Variants in ASCC3 observed in about 807,000 individuals in gnomAD.
ASCC3 encodes the protein activating signal cointegrator 1 complex subunit 3.
In ASCC3, 158 loss-of-function variants were observed where a neutral mutation model predicts 256.3. The observed-to-expected ratio is 0.62, with a 90% CI of 0.54 to 0.70. ASCC3 has a LOEUF of 0.70. ASCC3 is among the 30% of genes least tolerant of loss of function. The pLI is 0.00. For missense variants in ASCC3, 2,259 were observed against 2,626.0 expected, an observed-to-expected ratio of 0.86 and a Z score of 3.05; for synonymous variants, 948 against 883.4, an observed-to-expected ratio of 1.07 and a Z score of -1.30.
intron 39 of ASCC3, among the ~76,000 whole-genome samples, 161 bp downstream of exon 39, chr6:100,516,019 G>C (rs904413464): frequency 1.3e-5 from 2 of 152,102 alleles, no homozygotes; most frequent in African/African-American, 2.4e-5. Context: ...AGAACTTCTT[G>C]AGACATCTAT....
At chr6:100,577,725 C>G (rs1380585905) in intron 36 of ASCC3, among the ~76,000 whole-genome samples, 1 of 151,434 alleles carries the variant, frequency 6.6e-6, no homozygotes, top group Non-Finnish European at 1.5e-5. Context: ...TGTGTGAACA[C>G]ACACACACCC....
intron 4 of ASCC3, among the ~76,000 whole-genome samples, chr6:100,842,591 CTTT>C (rs550013480): frequency 1.3e-5 from 2 of 152,012 alleles, no homozygotes; most frequent in African/African-American, 4.8e-5. Context: ...ACTCTTCATA[CTTT>C]TTTTCTGATT....
intron 37 of ASCC3, among the ~76,000 whole-genome samples, chr6:100,526,202 G>A (rs1409266351): frequency 2.0e-5 from 3 of 152,136 alleles, no homozygotes; most frequent in Non-Finnish European, 4.4e-5. Context: ...GAGTAAAAGC[G>A]CTTCAAGTGT....
chr6:100,853,073 G>A (rs1772763169), intron 3 of ASCC3, among the ~76,000 whole-genome samples: 1 of 151,602 alleles, frequency 6.6e-6, no homozygotes, highest in African/African-American at 2.4e-5. Context: ...CAACTTGGCT[G>A]GCTGACTGGT....
intron 30 of ASCC3, among the ~76,000 whole-genome samples, chr6:100,612,523 A>C (rs1448644549): frequency 1.8e-4 from 28 of 152,114 alleles, no homozygotes; most frequent in Admixed American, 1.8e-3. Flanking sequence ...TGAAATGCTC[A>C]ATAAAAGATG....
intron 8 of ASCC3, among the ~76,000 whole-genome samples, chr6:100,772,216 C>T (rs1242881055): frequency 6.6e-6 from 1 of 152,130 alleles, no homozygotes; most frequent in African/African-American, 2.4e-5. Flanking sequence ...AACAAACATA[C>T]ACCTAAACTA....
chr6:100,570,007 T>G (rs1408439917), intron 36 of ASCC3, among the ~76,000 whole-genome samples: 1 of 152,182 alleles, frequency 6.6e-6, no homozygotes, highest in African/African-American at 2.4e-5. Flanking sequence ...CCCCCTTGGT[T>G]AGATGTATTC....
chr6:100,568,695 T>C (rs1265991168), intron 36 of ASCC3, among the ~76,000 whole-genome samples: 2 of 151,022 alleles, frequency 1.3e-5, no homozygotes, highest in African/African-American at 4.8e-5. Context: ...TTTGGTTTAA[T>C]TAAGTCTCAC....
chr6:100,550,626 T>C (rs560524454), intron 36 of ASCC3, among the ~76,000 whole-genome samples: 1 of 152,106 alleles, frequency 6.6e-6, no homozygotes, highest in Admixed American at 6.6e-5. Flanking sequence ...CGACCATGCT[T>C]GCACTTGTGG....
chr6:100,649,455 A>G (rs149506284), intron 20 of ASCC3, among the ~76,000 whole-genome samples: 1 of 151,786 alleles, frequency 6.6e-6, no homozygotes, highest in East Asian at 1.9e-4. Context: ...GGGTTTAAAG[A>G]ATATATAAAT....
chr6:100,743,485 C>T (rs1179490743), intron 10 of ASCC3, among the ~76,000 whole-genome samples: 6 of 152,088 alleles, frequency 3.9e-5, no homozygotes, highest in Admixed American at 6.6e-5. Context: ...CCCTCACCCC[C>T]GGACTCTCCT....
At chr6:100,700,270 C>T (rs910164440) in intron 13 of ASCC3, among the ~76,000 whole-genome samples, 2 of 152,092 alleles carry the variant, frequency 1.3e-5, no homozygotes, top group South Asian at 2.1e-4. Context: ...TTGGCAGCCT[C>T]CATGTAGTGT....
intron 8 of ASCC3, among the ~76,000 whole-genome samples, chr6:100,797,325 C>T (rs1266068199): frequency 1.3e-5 from 2 of 151,724 alleles, no homozygotes; most frequent in Admixed American, 6.6e-5. Context: ...TGGTGCATGC[C>T]TGTAATCCCA....
rs539788728 is a variant in ASCC3 at position 100,862,684 on chromosome 6, T to C, written c.241+1380A>G. ...TGGGTTCTAGTATAAGCACTGGCGA[T>C]GGAGAGTTTAACAAGAATAAGATCC... On this transcript the variant is annotated intron_variant, in intron 3 of 41. Transcript: ENST00000369162. Among the ~76,000 whole-genome samples, 4 of 152,282 alleles carry C rather than the reference T, an allele frequency of 2.6e-5. No homozygotes were observed. In the South Asian group the frequency reaches 8.3e-4, roughly 32 times the overall value.
intron 11 of ASCC3, 103 bp from the exon 12 acceptor site, chr6:100,718,354 G>T: frequency 4.3e-6 from 4 of 935,656 alleles, no homozygotes; most frequent in Non-Finnish European, 6.3e-6. Flanking sequence ...TCTAGACAGA[G>T]ATGAGTGTAG....
chr6:100,589,735 G>C lies in ASCC3; in HGVS notation c.5449C>G (p.Arg1817Gly). 1 of 1,613,580 alleles carries C rather than the reference G, an allele frequency of 6.2e-7. No homozygotes were observed. Among genetic ancestry groups the C allele is most frequent in the Non-Finnish European group, 8.5e-7 (1 of 1,179,772 alleles). ...TTCAAATAGTAATAGGAGGCAATTCGGCCATAAGTTAGAGGTTCAATGCTG... is the reference window on the plus strand; with the variant it reads ...TTCAAATAGTAATAGGAGGCAATTCCGCCATAAGTTAGAGGTTCAATGCTG... ...NRSIEPLTYG[R>G]IASYYYLKHQ... The change falls in exon 36 of 42, where the codon CGA (arginine) becomes GGA (glycine). Residue 1817 changes from arginine to glycine, a missense_variant. Coordinates refer to ENST00000369162, the MANE Select transcript of ASCC3 (RefSeq NM_006828.4).
intron 3 of ASCC3, among the ~76,000 whole-genome samples, chr6:100,852,005 T>C (rs1180512537): frequency 1.3e-5 from 2 of 152,146 alleles, no homozygotes; most frequent in Non-Finnish European, 2.9e-5. Context: ...CCGCATGAGA[T>C]GACGTATGTA....
At chr6:100,514,978 G>C (rs1773948958) in intron 39 of ASCC3, among the ~76,000 whole-genome samples, 1 of 152,174 alleles carries the variant, frequency 6.6e-6, no homozygotes, top group Non-Finnish European at 1.5e-5. Context: ...GCAAATTGAA[G>C]CACTTTTGAG....
At chr6:100,812,387 C>T (rs1050370520) in intron 4 of ASCC3, among the ~76,000 whole-genome samples, 10 of 151,576 alleles carry the variant, frequency 6.6e-5, no homozygotes, top group African/African-American at 2.2e-4. Context: ...TCAAAGTAGG[C>T]ATTGTAAATA....
Sources: gnomAD v4.1 joint callset for allele counts (sites outside exome capture counted in the v4.1 genomes callset) on GRCh38, gnomAD v4.1.1 for gene constraint, MANE v1.5 for transcripts, NCBI Gene and HGNC (gene_info 2026-07-23, HGNC 2026-07-21) for gene names.